PLS1: variants seen among roughly 807,000 people sequenced by gnomAD.
PLS1 encodes plastin 1.
PLS1 carries 32 observed loss-of-function variants against 73.7 expected under a neutral mutation model. The ratio of observed to expected loss-of-function variants is 0.43; its 90% confidence interval spans 0.33 to 0.58. The LOEUF is 0.58. PLS1 is among the 20% of genes least tolerant of loss of function. The pLI is 0.04. For missense variants in PLS1, 633 were observed against 740.5 expected, an observed-to-expected ratio of 0.85 and a Z score of 1.68; for synonymous variants, 217 against 261.3, an observed-to-expected ratio of 0.83 and a Z score of 1.63.
chr3:142,662,804 A>G (rs926112442), intron 1 of PLS1, among the ~76,000 whole-genome samples: 1 of 152,240 alleles, frequency 6.6e-6, no homozygotes, highest in Non-Finnish European at 1.5e-5. Flanking sequence ...TATTATGTTG[A>G]TGAACAACAT....
At chr3:142,629,856 A>T (rs1371876950) in intron 1 of PLS1, among the ~76,000 whole-genome samples, 1 of 152,172 alleles carries the variant, frequency 6.6e-6, no homozygotes, top group Non-Finnish European at 1.5e-5. Flanking sequence ...ATGTTTAGCA[A>T]CGTCCCTGGC....
chr3:142,600,890 A>G, intron 1 of PLS1, among the ~76,000 whole-genome samples: 1 of 18,332 alleles, frequency 5.5e-5, no homozygotes, highest in Non-Finnish European at 9.2e-5. Flanking sequence ...ATATATATAT[A>G]TATATATATA....
chr3:142,710,665 A>G (rs1933082272), intron 14 of PLS1, among the ~76,000 whole-genome samples: 2 of 152,156 alleles, frequency 1.3e-5, no homozygotes, highest in Admixed American at 1.3e-4. Flanking sequence ...TATGGGTTCT[A>G]CTTGTATGAA....
chr3:142,703,613 T>C (rs2038382161), intron 12 of PLS1, among the ~76,000 whole-genome samples: 1 of 152,176 alleles, frequency 6.6e-6, no homozygotes, highest in African/African-American at 2.4e-5. Context: ...TCAAGATTTT[T>C]AGAGTAGGAA....
At position 142,698,005 on chromosome 3, in the gene PLS1, C is replaced by A. The variant is rs755894970; in HGVS notation, c.1309C>A (p.Pro437Thr). Residue 437 changes from proline (P) to threonine (T), a missense_variant, in exon 12 of 16, where the codon CCA (proline) becomes ACA (threonine). Transcript: ENST00000457734. Reference sequence around the variant, plus strand: ...TCAGCTCTATGAGATGATCCGAGTGCCAGTCAACTGGAGCCATGTCAACAA... The same window carrying A: ...TCAGCTCTATGAGATGATCCGAGTGACAGTCAACTGGAGCCATGTCAACAA... ...IFQLYEMIRVPVNWSHVNKPP... is the reference protein window; with the variant it reads ...IFQLYEMIRVTVNWSHVNKPP... 3 of 1,613,554 alleles carry A rather than the reference C, an allele frequency of 1.9e-6. No homozygotes were observed. Among genetic ancestry groups the A allele is most frequent in the Non-Finnish European group, 2.5e-6 (3 of 1,179,538 alleles).
In PLS1 at chr3:142,683,898, T is replaced by C. The variant is rs929029622; in HGVS notation, c.580-108T>C. ...TGGTATTTTCGTTGTATAAATATTA[T>C]GTTTATAAATCTGAAATTTGGCAGT... is the stretch of plus-strand genomic sequence containing the variant. On this transcript the variant is annotated intron_variant, in intron 6 of 15. Transcript: ENST00000457734. 2.1e-5 allele frequency: 15 copies of C among 716,974 alleles called. 1 individual carries two copies. In the South Asian group the frequency reaches 2.8e-4, roughly 13 times the overall value. The allele number at this position is 716,974 out of a possible 1,614,324, so 44.4% of individuals were successfully genotyped here. A position where few individuals can be genotyped will look rare whatever the true frequency, so the allele number is the denominator to read the frequency against.
At chr3:142,672,328 C>T (rs1391269806) in intron 4 of PLS1, among the ~76,000 whole-genome samples, 1 of 148,748 alleles carries the variant, frequency 6.7e-6, no homozygotes, top group Non-Finnish European at 1.5e-5. Context: ...TAGTAAAGTG[C>T]ATGAAGTGTA....
chr3:142,624,468 G>A (rs1183993415), intron 1 of PLS1, among the ~76,000 whole-genome samples: 2 of 152,138 alleles, frequency 1.3e-5, no homozygotes, highest in Non-Finnish European at 2.9e-5. Context: ...AGCAGAAAAT[G>A]AGCAGTTCCC....
rs570208839 is a variant in PLS1 at position 142,669,356 on chromosome 3, A to G, written c.71-34A>G. On this transcript the variant is annotated intron_variant, in intron 2 of 15. Coordinates refer to ENST00000457734, the MANE Select transcript of PLS1 (RefSeq NM_001145319.2). ...TCCTTATTGTACACCTTCAACAAAGATTACAAAATATATTTTATAATATAT... is the reference window on the plus strand; with the variant it reads ...TCCTTATTGTACACCTTCAACAAAGGTTACAAAATATATTTTATAATATAT... The G allele has an allele frequency of 8.6e-5, 110 of 1,282,522 alleles. No homozygotes were observed. In the African/African-American group the frequency reaches 1.2e-3, roughly 14 times the overall value. 79.4% of individuals were successfully genotyped at this position (1,282,522 alleles called of 1,614,324 possible). A position where few individuals can be genotyped will look rare whatever the true frequency, so the allele number is the denominator to read the frequency against.
intron 1 of PLS1, among the ~76,000 whole-genome samples, chr3:142,608,712 C>G (rs2036068354): frequency 6.6e-6 from 1 of 152,174 alleles, no homozygotes. Flanking sequence ...TACTGCCAGC[C>G]AAAGGAGATA....
At chr3:142,685,032 C>A (rs1479413097) in intron 8 of PLS1, among the ~76,000 whole-genome samples, 3 of 151,832 alleles carry the variant, frequency 2.0e-5, no homozygotes, top group Non-Finnish European at 2.9e-5. Context: ...CATCCTGCCC[C>A]CCAAGAGTAA....
At chr3:142,663,779 C>T (rs1208998074) in intron 1 of PLS1, among the ~76,000 whole-genome samples, 2 of 152,218 alleles carry the variant, frequency 1.3e-5, no homozygotes, top group African/African-American at 4.8e-5. Context: ...ATAAGATAAG[C>T]AGATGCTGAA....
chr3:142,664,422 C>T, intron 2 of PLS1, 115 bp downstream of exon 2: 3 of 520,746 alleles, frequency 5.8e-6, no homozygotes, highest in Admixed American at 3.5e-5. Context: ...CAGATTTATT[C>T]CTTTTTTTCT....
At chr3:142,652,363 T>G (rs1336660300) in intron 1 of PLS1, among the ~76,000 whole-genome samples, 3 of 152,234 alleles carry the variant, frequency 2.0e-5, no homozygotes, top group Non-Finnish European at 4.4e-5. Context: ...TATTGTGCAT[T>G]GGTCAGTAAA....
intron 1 of PLS1, among the ~76,000 whole-genome samples, chr3:142,634,401 T>C (rs533933179): frequency 6.6e-6 from 1 of 152,212 alleles, no homozygotes; most frequent in South Asian, 2.1e-4. Flanking sequence ...CTGATAAGGA[T>C]AAAATTCTAA....
rs746403478 is a variant in PLS1 at position 142,671,051 on chromosome 3, A to G, written c.293A>G (p.Lys98Arg). The G allele has an allele frequency of 6.2e-7, 1 of 1,604,096 alleles. No homozygotes were observed. Among genetic ancestry groups the G allele is most frequent in the Non-Finnish European group, 8.5e-7 (1 of 1,171,300 alleles). The change falls in exon 4 of 16, where the codon AAG (lysine) becomes AGG (arginine). Residue 98 changes from lysine (K) to arginine (R), a missense_variant. Transcript: ENST00000457734. ...ISKTFRKIIN[K>R]REGITAIGGT... ...AAAACATTCCGAAAAATAATTAACAAGAGGGAAGGGATTACTGCTATTGGA... is the reference window on the plus strand; with the variant it reads ...AAAACATTCCGAAAAATAATTAACAGGAGGGAAGGGATTACTGCTATTGGA...
chr3:142,677,966 T>A (rs2037757292), intron 5 of PLS1, 66 bp from the exon 6 acceptor site: 4 of 713,656 alleles, frequency 5.6e-6, no homozygotes, highest in African/African-American at 3.8e-5. Flanking sequence ...ATTTTGGCTG[T>A]TTGCAATAAT....
chr3:142,695,677 G>C (rs746294953), intron 11 of PLS1, among the ~76,000 whole-genome samples: 3 of 152,100 alleles, frequency 2.0e-5, no homozygotes, highest in Non-Finnish European at 2.9e-5. Flanking sequence ...ATTTGTATTC[G>C]AATTTTAAAA....
chr3:142,709,452 A>G (rs1165575776), intron 14 of PLS1, among the ~76,000 whole-genome samples: 1 of 152,210 alleles, frequency 6.6e-6, no homozygotes, highest in Non-Finnish European at 1.5e-5. Flanking sequence ...AAAGATCTGT[A>G]TCATAAAATG....
Sources: allele counts gnomAD v4.1 joint callset (sites outside exome capture counted in the v4.1 genomes callset), GRCh38; gene constraint gnomAD v4.1.1; transcripts MANE v1.5; gene names NCBI Gene and HGNC (gene_info 2026-07-23, HGNC 2026-07-21).